The following GRAMD1B variants were observed in gnomAD, a reference collection of about 807,000 sequenced individuals.
GRAMD1B encodes the protein protein Aster-B.
In GRAMD1B, 37 loss-of-function variants were observed where a neutral mutation model predicts 99.7. The ratio of observed to expected loss-of-function variants is 0.37; its 90% CI spans 0.29 to 0.49. The LOEUF is 0.49. Among genes scored for constraint, GRAMD1B ranks in the 20% least tolerant of loss-of-function variants. The pLI is 0.98. For synonymous variants in GRAMD1B, 427 were observed against 387.6 expected, an observed-to-expected ratio of 1.10 and a Z score of -1.19; for missense variants, 888 against 1,009.2, an observed-to-expected ratio of 0.88 and a Z score of 1.63.
At chr11:123,598,645 A>G in intron 7 of GRAMD1B, 1 of 1,278,248 alleles carries the variant, frequency 7.8e-7, no homozygotes, top group South Asian at 1.2e-5. Context: ...TTCAGTCCTA[A>G]AGCTAAGAGA....
intron 2 of GRAMD1B, among the ~76,000 whole-genome samples, chr11:123,540,323 A>G (rs1944383770): frequency 6.6e-6 from 1 of 151,782 alleles, no homozygotes; most frequent in Admixed American, 6.6e-5. Flanking sequence ...TAAGTGATCC[A>G]CTCACCTTGG....
At position 123,445,198 on chromosome 11, in the gene GRAMD1B, G is replaced by T. The variant is rs114681286; in HGVS notation, c.374+14032G>T. ...GAGATGCTTCTCCAAAGTGGGAAGA[G>T]TGTTGTCAGGTATTTCTGCCACTTA... On this transcript the variant is annotated intron_variant, in intron 1 of 19. Transcript: ENST00000635736. 5.9e-3 allele frequency among the ~76,000 whole-genome samples: 898 copies of T among 152,334 alleles called. 8 individuals are homozygous for T. Among genetic ancestry groups the T allele is most frequent in the African/African-American group, 0.021 (857 of 41,570 alleles).
In GRAMD1B at chr11:123,411,105, T is replaced by C. The variant is rs1012134382; in HGVS notation, c.-176+52306T>C. 1.6e-3 allele frequency among the ~76,000 whole-genome samples: 250 copies of C among 151,626 alleles called. 11 individuals carry two copies. Among genetic ancestry groups the C allele is most frequent in the Non-Finnish European group, 5.2e-4 (35 of 67,874 alleles). On this transcript the variant is annotated intron_variant, in intron 1 of 20. Coordinates refer to the GRAMD1B transcript ENST00000638157. ...CTGCAAGCTCCACCTCCCGGGTTCA[T>C]GCCATTCTCCTGCCTCAGCCTCCCG... is the stretch of plus-strand genomic sequence containing the variant.
chr11:123,368,275 A>AAAAAAAGAAAG (rs60644137), intron 1 of GRAMD1B, among the ~76,000 whole-genome samples: 1 of 127,112 alleles, frequency 7.9e-6, no homozygotes, highest in Non-Finnish European at 1.5e-5. Context: ...AAAAAAAAAA[A>AAAAAAAGAAAG]AAAGAAAGAA....
rs180993209 is a variant in GRAMD1B, at chr11:123,402,446, C to T, written c.-176+43647C>T. The stretch of plus-strand genomic sequence containing the variant: ...TTTATTAGCCAGCCTGTATTGAGTA[C>T]GAGGTGTGTGTCAGAGTCTATGCTA... On this transcript the variant is annotated intron_variant, in intron 1 of 20. Transcript: ENST00000638157. 1.1e-4 allele frequency among the ~76,000 whole-genome samples: 17 copies of T among 152,216 alleles called. 1 individual carries two copies. Among genetic ancestry groups the T allele is most frequent in the Non-Finnish European group, 2.1e-4 (14 of 68,014 alleles).
intron 1 of GRAMD1B, among the ~76,000 whole-genome samples, chr11:123,440,847 ATGT>A (rs1949372830): frequency 1.3e-5 from 2 of 152,104 alleles, no homozygotes; most frequent in African/African-American, 4.8e-5. Context: ...GAATTCCCAC[ATGT>A]TGTGGGAGGG....
At chr11:123,396,531 C>T (rs2135889167) in intron 1 of GRAMD1B, among the ~76,000 whole-genome samples, 1 of 152,324 alleles carries the variant, frequency 6.6e-6, no homozygotes, top group East Asian at 1.9e-4. Context: ...CCGCCTCAGC[C>T]TCCCAAAGTG....
chr11:123,608,443 C>T, intron 11 of GRAMD1B: 1 of 1,470,282 alleles, frequency 6.8e-7, no homozygotes, highest in East Asian at 2.5e-5. Context: ...GTAGTGTCAG[C>T]TAAAGGAAAT....
chr11:123,385,071 T>C (rs1947009817), intron 1 of GRAMD1B, among the ~76,000 whole-genome samples: 1 of 152,366 alleles, frequency 6.6e-6, no homozygotes, highest in Admixed American at 6.5e-5. Flanking sequence ...TCAATTCATC[T>C]GACCTGGAAT....
At chr11:123,602,756 T>A (rs1952144427) in intron 8 of GRAMD1B, among the ~76,000 whole-genome samples, 1 of 152,038 alleles carries the variant, frequency 6.6e-6, no homozygotes, top group Non-Finnish European at 1.5e-5. Context: ...CCCGGTGAAA[T>A]AAGAAAACAC....
intron 3 of GRAMD1B, among the ~76,000 whole-genome samples, chr11:123,578,843 C>T (rs976998818): frequency 6.6e-6 from 1 of 152,174 alleles, no homozygotes; most frequent in African/African-American, 2.4e-5. Context: ...GATTGCCCAG[C>T]AGTGGTGAGT....
intron 1 of GRAMD1B, among the ~76,000 whole-genome samples, chr11:123,398,840 C>T (rs1947558494): frequency 6.6e-6 from 1 of 152,274 alleles, no homozygotes; most frequent in South Asian, 2.1e-4. Context: ...AAGTATACAT[C>T]TGTGAAATCA....
At chr11:123,573,479 C>T (rs1448416558) in intron 2 of GRAMD1B, among the ~76,000 whole-genome samples, 1 of 152,320 alleles carries the variant, frequency 6.6e-6, no homozygotes, top group East Asian at 1.9e-4. Context: ...ATCTGTGCCT[C>T]TTTCTGTCCA....
chr11:123,408,812 C>T (rs1339994903), intron 1 of GRAMD1B, among the ~76,000 whole-genome samples: 2 of 152,196 alleles, frequency 1.3e-5, no homozygotes, highest in African/African-American at 4.8e-5. Flanking sequence ...ATAACTCTGC[C>T]TCCTAACGCT....
chr11:123,570,737 A>T (rs560298253), intron 2 of GRAMD1B, among the ~76,000 whole-genome samples: 9 of 152,190 alleles, frequency 5.9e-5, no homozygotes, highest in Non-Finnish European at 1.2e-4. Context: ...AGCCTTCTTA[A>T]TAATACCAGC....
chr11:123,361,202 C>T (rs892725949), intron 1 of GRAMD1B, among the ~76,000 whole-genome samples: 15 of 152,162 alleles, frequency 9.9e-5, no homozygotes, highest in African/African-American at 3.1e-4. Context: ...CATTTGATGT[C>T]CTTGCAGATT....
intron 6 of GRAMD1B, among the ~76,000 whole-genome samples, chr11:123,595,482 CG>C: frequency 6.6e-6 from 1 of 152,090 alleles, no homozygotes; most frequent in African/African-American, 2.4e-5. Flanking sequence ...TAAGTAGAGA[CG>C]GGGTTTCTCC....
At chr11:123,533,099 A>G (rs921122317) in intron 2 of GRAMD1B, among the ~76,000 whole-genome samples, 1 of 152,068 alleles carries the variant, frequency 6.6e-6, no homozygotes, top group Non-Finnish European at 1.5e-5. Flanking sequence ...CCTCCCGAGT[A>G]GCTGGGATTA....
intron 1 of GRAMD1B, among the ~76,000 whole-genome samples, chr11:123,455,747 G>A (rs762300874): frequency 1.3e-5 from 2 of 152,068 alleles, no homozygotes; most frequent in Non-Finnish European, 2.9e-5. Context: ...CTCTGTTGAT[G>A]ATCTGTCTCT....
Sources: gnomAD v4.1 joint callset for allele counts (sites outside exome capture counted in the v4.1 genomes callset) on GRCh38, gnomAD v4.1.1 for gene constraint, MANE v1.5 for transcripts, NCBI Gene and HGNC (gene_info 2026-07-23, HGNC 2026-07-21) for gene names.